TRIM24: variants seen among roughly 807,000 people sequenced by gnomAD.
TRIM24 encodes the protein transcription intermediary factor 1-alpha.
Under a neutral mutation model 123.9 loss-of-function variants are expected in TRIM24, and 29 were observed. The observed-to-expected ratio is 0.23, with a 90% CI of 0.17 to 0.32. TRIM24 has a LOEUF of 0.32. Among genes scored for constraint, TRIM24 ranks in the 10% least tolerant of loss-of-function variants. The pLI, the probability that TRIM24 is intolerant of heterozygous loss-of-function variation, is 1.00. For synonymous variants in TRIM24, 456 were observed against 461.1 expected, an observed-to-expected ratio of 0.99 and a Z score of 0.14; for missense variants, 932 against 1,295.3, an observed-to-expected ratio of 0.72 and a Z score of 4.31.
At chr7:138,559,833 C>G (rs566056172) in intron 9 of TRIM24, among the ~76,000 whole-genome samples, 2 of 152,268 alleles carry the variant, frequency 1.3e-5, no homozygotes, top group East Asian at 3.9e-4. Context: ...TATATGGGTC[C>G]TAAAGTGGTT....
chr7:138,512,909 CTTTGAAA>C, intron 2 of TRIM24, among the ~76,000 whole-genome samples: 1 of 152,310 alleles, frequency 6.6e-6, no homozygotes, highest in East Asian at 1.9e-4. Flanking sequence ...CTCTGCTTCC[CTTTGAAA>C]TATCTAAGTT....
intron 1 of TRIM24, among the ~76,000 whole-genome samples, chr7:138,462,867 TA>T (rs1318739078): frequency 4.0e-5 from 6 of 151,250 alleles, no homozygotes; most frequent in African/African-American, 1.5e-4. Context: ...CTTATTTATT[TA>T]TTTATTTATT....
intron 9 of TRIM24, among the ~76,000 whole-genome samples, chr7:138,564,957 C>T (rs942682068): frequency 2.0e-5 from 3 of 152,154 alleles, no homozygotes; most frequent in Admixed American, 6.5e-5. Context: ...CCGTCCCCCT[C>T]GCAGGAGTAT....
chr7:138,567,367 T>A (rs1797555524), intron 9 of TRIM24, 114 bp from the exon 10 acceptor site: 2 of 968,450 alleles, frequency 2.1e-6, no homozygotes, highest in Non-Finnish European at 1.4e-6. Context: ...TCTTAATAAT[T>A]GATTGATCTG....
intron 7 of TRIM24, among the ~76,000 whole-genome samples, chr7:138,546,965 TGAATAGATGTATGTACTCCTGGGTTCA>T (rs1797113968): frequency 6.6e-6 from 1 of 152,174 alleles, no homozygotes; most frequent in African/African-American, 2.4e-5. Context: ...ATCAAGATCT[TGAATAGATGTATGTACTCCTGGGTTCA>T]TTGCAACATT....
chr7:138,527,176 T>C (rs1283323338), intron 5 of TRIM24, among the ~76,000 whole-genome samples: 1 of 152,212 alleles, frequency 6.6e-6, no homozygotes, highest in Admixed American at 6.5e-5. Flanking sequence ...GTTTTTCTCA[T>C]TGCTAGTACT....
At chr7:138,573,036 G>T in intron 11 of TRIM24, among the ~76,000 whole-genome samples, 1 of 152,156 alleles carries the variant, frequency 6.6e-6, no homozygotes, top group East Asian at 1.9e-4. Flanking sequence ...CCCTTTCAGA[G>T]GATCCACTAG....
chr7:138,487,371 C>G (rs997834041), intron 1 of TRIM24, among the ~76,000 whole-genome samples: 3 of 152,158 alleles, frequency 2.0e-5, no homozygotes, highest in African/African-American at 7.2e-5. Context: ...ACTTCCAACA[C>G]TATGTTGAAC....
intron 6 of TRIM24, among the ~76,000 whole-genome samples, chr7:138,532,049 T>G (rs897552224): frequency 6.6e-6 from 1 of 152,136 alleles, no homozygotes; most frequent in Non-Finnish European, 1.5e-5. Context: ...TTTGCCCACT[T>G]TTTGATGGGG....
chr7:138,525,945 C>A (rs957779132), intron 5 of TRIM24, among the ~76,000 whole-genome samples: 1 of 152,170 alleles, frequency 6.6e-6, no homozygotes, highest in Non-Finnish European at 1.5e-5. Flanking sequence ...TTAGGGAGAA[C>A]CACTAACCTC....
At chr7:138,524,787 G>T (rs567135442) in intron 4 of TRIM24, among the ~76,000 whole-genome samples, 2 of 152,144 alleles carry the variant, frequency 1.3e-5, no homozygotes, top group South Asian at 2.1e-4. Flanking sequence ...ATAACATCAA[G>T]AATTTTGCCC....
intron 4 of TRIM24, among the ~76,000 whole-genome samples, chr7:138,523,423 A>G (rs773925052): frequency 3.3e-5 from 5 of 152,214 alleles, no homozygotes; most frequent in Non-Finnish European, 7.3e-5. Context: ...TTACACATGC[A>G]AATGACACAG....
At chr7:138,475,487 G>A (rs964392777) in intron 1 of TRIM24, among the ~76,000 whole-genome samples, 3 of 152,132 alleles carry the variant, frequency 2.0e-5, no homozygotes, top group African/African-American at 7.2e-5. Flanking sequence ...ATATTTTTGG[G>A]TTAACATAGC....
intron 6 of TRIM24, among the ~76,000 whole-genome samples, chr7:138,537,290 C>T (rs1289591254): frequency 6.6e-6 from 1 of 151,586 alleles, no homozygotes; most frequent in Non-Finnish European, 1.5e-5. Flanking sequence ...CAGAAATCAC[C>T]CATCTTCTGC....
At chr7:138,522,628 TTAAAG>T (rs1222668596) in intron 4 of TRIM24, among the ~76,000 whole-genome samples, 1 of 152,146 alleles carries the variant, frequency 6.6e-6, no homozygotes, top group Non-Finnish European at 1.5e-5. Context: ...GGTCTATAGT[TTAAAG>T]TACTGTAAAC....
At chr7:138,532,555 C>A (rs145073507) in intron 6 of TRIM24, among the ~76,000 whole-genome samples, 1 of 152,126 alleles carries the variant, frequency 6.6e-6, no homozygotes, top group Non-Finnish European at 1.5e-5. Flanking sequence ...GGGCTCTGTT[C>A]TGTTCCAAAG....
At chr7:138,514,401 A>G (rs1796351209) in intron 2 of TRIM24, 1 of 152,172 alleles carries the variant, frequency 6.6e-6, no homozygotes, top group Non-Finnish European at 1.5e-5. Flanking sequence ...ACAAACACCA[A>G]AATTGCCTTG....
At chr7:138,569,586 ATTGT>A (rs1473754359) in intron 10 of TRIM24, among the ~76,000 whole-genome samples, 1 of 152,198 alleles carries the variant, frequency 6.6e-6, no homozygotes, top group South Asian at 2.1e-4. Context: ...CCACCAACTG[ATTGT>A]TCTTGGTAGA....
At chr7:138,512,420 C>T (rs185170935) in intron 2 of TRIM24, among the ~76,000 whole-genome samples, 15 of 152,252 alleles carry the variant, frequency 9.9e-5, no homozygotes, top group East Asian at 1.9e-4. Flanking sequence ...AGAGGTTCTC[C>T]GTGAAGGCTC....
Sources: gnomAD v4.1 joint callset for allele counts (sites outside exome capture counted in the v4.1 genomes callset) on GRCh38, gnomAD v4.1.1 for gene constraint, MANE v1.5 for transcripts, NCBI Gene and HGNC (gene_info 2026-07-23, HGNC 2026-07-21) for gene names.